The following ADAM18 variants were observed in gnomAD, a reference collection of about 807,000 sequenced individuals.
ADAM18 encodes the protein ADAM metallopeptidase domain 18.
Under a neutral mutation model 94.4 loss-of-function variants are expected in ADAM18, and 117 were observed. That is an observed-to-expected ratio of 1.24 (90% confidence interval 1.07 to 1.45). The LOEUF (loss-of-function observed/expected upper bound fraction) is 1.45, where lower values mean the gene tolerates loss of function less well. ADAM18 is among the 40% of genes most tolerant of loss of function. The pLI is 0.00. For synonymous variants in ADAM18, 327 were observed against 291.6 expected (o/e 1.12, Z -1.24); for missense variants, 936 against 880.0 (o/e 1.06, Z -0.81).
At chr8:39,616,274 C>T (rs984823336) in intron 6 of ADAM18, among the ~76,000 whole-genome samples, 5 of 151,842 alleles carry the variant, frequency 3.3e-5, no homozygotes, top group South Asian at 2.1e-4. Context: ...GTGGCGTGCA[C>T]GTGTATTCCC....
At chr8:39,659,939 A>G (rs1195344506) in intron 12 of ADAM18, among the ~76,000 whole-genome samples, 2 of 152,188 alleles carry the variant, frequency 1.3e-5, no homozygotes, top group Non-Finnish European at 2.9e-5. Context: ...TCTGCAAAGA[A>G]AAAGAAATGC....
intron 2 of ADAM18, among the ~76,000 whole-genome samples, chr8:39,596,713 A>T (rs543461521): frequency 6.6e-6 from 1 of 152,310 alleles, no homozygotes; most frequent in Non-Finnish European, 1.5e-5. Flanking sequence ...GCTGGATTAT[A>T]TGGTAAGAGT....
chr8:39,612,044 T>C (rs1274760655), intron 6 of ADAM18, among the ~76,000 whole-genome samples: 1 of 151,390 alleles, frequency 6.6e-6, no homozygotes, highest in Non-Finnish European at 1.5e-5. Flanking sequence ...AAGAATATGG[T>C]AATACCAACT....
chr8:39,603,128 G>A (rs779865341), intron 2 of ADAM18, among the ~76,000 whole-genome samples: 52 of 152,108 alleles, frequency 3.4e-4, no homozygotes, highest in Non-Finnish European at 6.2e-4. Flanking sequence ...TTGAAATGAC[G>A]ACCCTTTCTC....
chr8:39,645,506 AT>A (rs1196015842), intron 11 of ADAM18, 32 bp downstream of exon 11: 3 of 1,572,010 alleles, frequency 1.9e-6, no homozygotes, highest in Non-Finnish European at 2.6e-6. Flanking sequence ...TTTCATTTAT[AT>A]TTTTATAAGG....
At chr8:39,705,026 G>T (rs895345968) in intron 17 of ADAM18, among the ~76,000 whole-genome samples, 3 of 151,988 alleles carry the variant, frequency 2.0e-5, no homozygotes, top group Non-Finnish European at 4.4e-5. Flanking sequence ...CAAAAATGAT[G>T]GTCTTCCATA....
At chr8:39,679,425 T>C (rs1360237281) in intron 15 of ADAM18, among the ~76,000 whole-genome samples, 1 of 152,138 alleles carries the variant, frequency 6.6e-6, no homozygotes, top group Non-Finnish European at 1.5e-5. Context: ...CAATGATAGA[T>C]TACAAATGGC....
intron 2 of ADAM18, among the ~76,000 whole-genome samples, chr8:39,590,077 A>G (rs1818527254): frequency 6.6e-6 from 1 of 150,898 alleles, no homozygotes; most frequent in African/African-American, 2.4e-5. Flanking sequence ...CAGCCATCCC[A>G]TTACTGGGTA....
intron 19 of ADAM18, 123 bp from the exon 20 acceptor site, chr8:39,729,775 A>T: frequency 1.4e-6 from 1 of 721,650 alleles, no homozygotes; most frequent in Non-Finnish European, 2.3e-6. Flanking sequence ...CTTATCTATA[A>T]TAATCTTTGA....
At chr8:39,627,949 A>G (rs1819820096) in intron 6 of ADAM18, among the ~76,000 whole-genome samples, 1 of 152,008 alleles carries the variant, frequency 6.6e-6, no homozygotes, top group African/African-American at 2.4e-5. Flanking sequence ...TCTGAAAAAG[A>G]CTTTACTTAT....
chr8:39,693,991 T>C (rs975805084), intron 17 of ADAM18, among the ~76,000 whole-genome samples: 3 of 151,280 alleles, frequency 2.0e-5, no homozygotes, highest in African/African-American at 4.8e-5. Flanking sequence ...CCAGTTATAA[T>C]AGAGTTGTTC....
chr8:39,683,090 A>T (rs1307461349), intron 16 of ADAM18, among the ~76,000 whole-genome samples: 1 of 152,200 alleles, frequency 6.6e-6, no homozygotes, highest in African/African-American at 2.4e-5. Flanking sequence ...ATTAGGATAT[A>T]ACAGACAGTA....
intron 17 of ADAM18, among the ~76,000 whole-genome samples, chr8:39,704,716 AC>A (rs1822191591): frequency 6.6e-6 from 1 of 152,100 alleles, no homozygotes; most frequent in African/African-American, 2.4e-5. Context: ...TTAAGGAGTG[AC>A]CATTTTTGCG....
intron 6 of ADAM18, among the ~76,000 whole-genome samples, chr8:39,618,992 CAG>C (rs1471597925): frequency 6.6e-6 from 1 of 152,076 alleles, no homozygotes; most frequent in African/African-American, 2.4e-5. Context: ...GCAATAGTTT[CAG>C]GGGGTCTCCC....
intron 18 of ADAM18, among the ~76,000 whole-genome samples, chr8:39,713,445 C>G (rs1822476202): frequency 6.6e-6 from 1 of 152,080 alleles, no homozygotes; most frequent in Admixed American, 6.6e-5. Context: ...CAAATTGGAT[C>G]TAATTAAACT....
chr8:39,623,241 C>G (rs572864765), intron 6 of ADAM18, among the ~76,000 whole-genome samples: 29 of 152,148 alleles, frequency 1.9e-4, no homozygotes, highest in Non-Finnish European at 3.4e-4. Context: ...ATTATCCACT[C>G]ACTGATTGAT....
At chr8:39,728,952 G>A (rs1822998356) in intron 19 of ADAM18, among the ~76,000 whole-genome samples, 1 of 152,132 alleles carries the variant, frequency 6.6e-6, no homozygotes, top group Non-Finnish European at 1.5e-5. Context: ...GTGTTCCACA[G>A]TAGTTTTACA....
intron 13 of ADAM18, among the ~76,000 whole-genome samples, chr8:39,665,960 A>G (rs563659979): frequency 6.6e-6 from 1 of 152,280 alleles, no homozygotes; most frequent in South Asian, 2.1e-4. Context: ...TCTGTTTACT[A>G]TCATATTTCT....
chr8:39,686,317 G>A (rs1232216646), intron 16 of ADAM18, among the ~76,000 whole-genome samples: 1 of 152,158 alleles, frequency 6.6e-6, no homozygotes, highest in Non-Finnish European at 1.5e-5. Context: ...GGAACGTACT[G>A]CTTAACAGTT....
Sources: gnomAD v4.1 joint callset for allele counts (sites outside exome capture counted in the v4.1 genomes callset) on GRCh38, gnomAD v4.1.1 for gene constraint, MANE v1.5 for transcripts, NCBI Gene and HGNC (gene_info 2026-07-23, HGNC 2026-07-21) for gene names.